The following VCL variants were observed in gnomAD, a reference collection of about 807,000 sequenced individuals.
VCL encodes epididymis luminal protein 114.
Under a neutral mutation model 125.7 loss-of-function variants are expected in VCL, and 47 were observed. That is an observed-to-expected ratio of 0.37 (90% CI 0.30 to 0.48). VCL has a LOEUF of 0.48. VCL is among the 20% of genes least tolerant of loss of function. The pLI, the probability that VCL is intolerant of heterozygous loss-of-function variation, is 0.99. For missense variants in VCL, 1,069 were observed against 1,455.5 expected (o/e 0.73, Z 4.32); for synonymous variants, 458 against 514.6 (o/e 0.89, Z 1.49).
chr10:74,112,954 C>A (rs905355884), intron 19 of VCL, among the ~76,000 whole-genome samples: 1 of 152,194 alleles, frequency 6.6e-6, no homozygotes, highest in Non-Finnish European at 1.5e-5. Context: ...AGGACCTTGT[C>A]TAACATACCC....
intron 1 of VCL, among the ~76,000 whole-genome samples, chr10:74,026,920 T>C (rs1347849318): frequency 6.6e-6 from 1 of 152,152 alleles, no homozygotes; most frequent in Admixed American, 6.5e-5. Flanking sequence ...CGTTTACAAG[T>C]TGGTTGTTTG....
At chr10:74,084,161 G>A (rs983245409) in intron 8 of VCL, among the ~76,000 whole-genome samples, 3 of 151,882 alleles carry the variant, frequency 2.0e-5, no homozygotes, top group East Asian at 1.9e-4. Flanking sequence ...CACTGTGCCC[G>A]GCCACACCTG....
At chr10:74,038,998 G>A (rs550439917) in intron 1 of VCL, among the ~76,000 whole-genome samples, 5 of 151,828 alleles carry the variant, frequency 3.3e-5, no homozygotes, top group African/African-American at 4.8e-5. Flanking sequence ...TGCAACCTCC[G>A]CCTCCCAGGT....
chr10:74,095,408 T>G (rs999638983), intron 11 of VCL, among the ~76,000 whole-genome samples: 1 of 152,056 alleles, frequency 6.6e-6, no homozygotes, highest in Non-Finnish European at 1.5e-5. Flanking sequence ...CTGGGCAACA[T>G]AGTGAGACCC....
intron 15 of VCL, 144 bp from the exon 16 acceptor site, chr10:74,104,907 T>C: frequency 1.1e-6 from 1 of 940,728 alleles, no homozygotes. Context: ...ACCTGGAAGC[T>C]TTTGATTATG....
At chr10:74,053,411 C>T (rs1841340715) in intron 2 of VCL, among the ~76,000 whole-genome samples, 2 of 151,994 alleles carry the variant, frequency 1.3e-5, no homozygotes, top group South Asian at 4.1e-4. Context: ...AGTTATATCA[C>T]ATTTCCTATT....
Position 74,097,383 on chromosome 10 carries a change from T to C in VCL, c.1872+51T>C. The stretch of plus-strand genomic sequence containing the variant: ...TCTGTCAGCCTGTGCTATAGGTATA[T>C]GTAAAGGTGAAATGTGATTACAGTG... On this transcript the variant is annotated intron_variant, in intron 13 of 21. Coordinates refer to ENST00000211998, the MANE Select transcript of VCL (RefSeq NM_014000.3). The surrounding 1 kb of genome is among the most constrained non-coding windows in gnomAD (Gnocchi z 4.1). 6.3e-7 allele frequency: 1 copy of C among 1,599,900 alleles called. No individual in the cohort carries two copies. Among genetic ancestry groups the C allele is most frequent in the Non-Finnish European group, 8.5e-7 (1 of 1,175,296 alleles).
chr10:74,109,256 C>G (rs1326965165), intron 18 of VCL, 100 bp downstream of exon 18: 7 of 1,449,886 alleles, frequency 4.8e-6, no homozygotes, highest in Admixed American at 1.9e-5. Context: ...GAGTCACCCT[C>G]TCTCTCTCCT....
At chr10:74,089,046 ATGTC>A (rs1839833955) in intron 8 of VCL, 146 bp from the exon 9 acceptor site, 1 of 1,167,790 alleles carries the variant, frequency 8.6e-7, no homozygotes, top group African/African-American at 1.5e-5. Context: ...TGCTTTGTTT[ATGTC>A]TGTTTTCTTG....
chr10:74,047,226 G>T (rs1243118505), intron 2 of VCL, among the ~76,000 whole-genome samples: 9 of 152,186 alleles, frequency 5.9e-5, no homozygotes, highest in Admixed American at 1.3e-4. Flanking sequence ...AAGCCCAGGA[G>T]GTCGAGGCTG....
chr10:74,015,788 G>A (rs947784827), intron 1 of VCL, among the ~76,000 whole-genome samples: 6 of 151,396 alleles, frequency 4.0e-5, no homozygotes, highest in Middle Eastern at 3.4e-3. Flanking sequence ...AGGTTCAAGC[G>A]ATTCTCCTGC....
chr10:74,109,255 T>G, intron 18 of VCL, 99 bp downstream of exon 18: 1 of 1,431,632 alleles, frequency 7.0e-7, no homozygotes, highest in Non-Finnish European at 9.7e-7. Context: ...GGAGTCACCC[T>G]CTCTCTCTCC....
In VCL at chr10:74,017,208, C is replaced by T. The variant is rs369921128; in HGVS notation, c.168+18833C>T. Among the ~76,000 whole-genome samples, 583 of 150,708 alleles carry T rather than the reference C, an allele frequency of 3.9e-3. 3 individuals carry two copies. Among genetic ancestry groups the T allele is most frequent in the African/African-American group, 0.013 (547 of 40,774 alleles). ...GACTACAGGCGCCCGCCACTACGCC[C>T]GGCTAATTTTTTGTATTTTTAGTAG... On this transcript the variant is annotated intron_variant, in intron 1 of 21. Coordinates refer to ENST00000211998, the MANE Select transcript of VCL (RefSeq NM_014000.3).
downstream of VCL, chr10:74,120,819 C>G (rs907080731): frequency 2.0e-5 from 3 of 152,142 alleles, no homozygotes; most frequent in African/African-American, 7.2e-5. Context: ...CGCCCGGCCA[C>G]ACAGGTCCAT....
chr10:74,004,966 A>G (rs185075141), intron 1 of VCL, among the ~76,000 whole-genome samples: 1 of 152,160 alleles, frequency 6.6e-6, no homozygotes, highest in African/African-American at 2.4e-5. Context: ...CGGCCTCCCA[A>G]AGTGCTGCGG....
At chr10:74,004,100 T>C (rs1488928517) in intron 1 of VCL, among the ~76,000 whole-genome samples, 1 of 151,920 alleles carries the variant, frequency 6.6e-6, no homozygotes, top group African/African-American at 2.4e-5. Context: ...ATATTTTTGC[T>C]TTAAAATTTG....
At chr10:74,028,791 T>C (rs1043442176) in intron 1 of VCL, among the ~76,000 whole-genome samples, 1 of 152,206 alleles carries the variant, frequency 6.6e-6, no homozygotes, top group African/African-American at 2.4e-5. Flanking sequence ...TTGCTTGATT[T>C]CCTGTCACTA....
chr10:74,083,564 C>G, intron 8 of VCL, 51 bp downstream of exon 8: 1 of 1,601,814 alleles, frequency 6.2e-7, no homozygotes. Context: ...TCACTCCTAA[C>G]AGGGTGATTC....
chr10:74,060,655 CAAAAAAAAAA>C (rs11398822), intron 2 of VCL, among the ~76,000 whole-genome samples: 2 of 109,252 alleles, frequency 1.8e-5, no homozygotes, highest in African/African-American at 3.4e-5. Context: ...GACTCTGTCT[CAAAAAAAAAA>C]AAAAAAAGAA....
Sources: allele counts gnomAD v4.1 joint callset (sites outside exome capture counted in the v4.1 genomes callset), GRCh38; gene constraint gnomAD v4.1.1; non-coding constraint Gnocchi (gnomAD v3.1); transcripts MANE v1.5; gene names NCBI Gene and HGNC (gene_info 2026-07-23, HGNC 2026-07-21).